The following PCMTD1 variants were observed in gnomAD, a reference collection of about 807,000 sequenced individuals.
The protein encoded by PCMTD1 is protein-L-isoaspartate (D-aspartate) O-methyltransferase domain containing 1, also known as protein-L-isoaspartate O-methyltransferase domain-containing protein 1.
A neutral mutation model predicts 37.6 loss-of-function variants in PCMTD1; 12 were observed. The ratio of observed to expected loss-of-function variants is 0.32; its 90% CI spans 0.20 to 0.52. PCMTD1 has a LOEUF of 0.52. Ranked by LOEUF, PCMTD1 falls within the 20% of genes least tolerant of loss-of-function variation. PCMTD1 has a pLI of 0.97. For synonymous variants in PCMTD1, 117 were observed against 135.8 expected (o/e 0.86, Z 0.96); for missense variants, 235 against 421.3 (o/e 0.56, Z 3.87).
chr8:51,876,476 T>C (rs1177722758), intron 1 of PCMTD1, among the ~76,000 whole-genome samples: 2 of 152,174 alleles, frequency 1.3e-5, no homozygotes, highest in African/African-American at 4.8e-5. Flanking sequence ...CACAGGCAGA[T>C]GTAAGAAACC....
At chr8:51,876,176 C>T (rs1009298233) in intron 1 of PCMTD1, among the ~76,000 whole-genome samples, 36 of 152,052 alleles carry the variant, frequency 2.4e-4, no homozygotes, top group East Asian at 1.3e-3. Context: ...TTGATAAAAC[C>T]GGGAGATTTT....
chr8:51,898,782 C>CTGT (rs2039050352), intron 1 of PCMTD1, 148 bp downstream of exon 1: 14 of 717,342 alleles, frequency 2.0e-5, no homozygotes, highest in Admixed American at 4.4e-5. Context: ...CCCCGACCTG[C>CTGT]CCGCCCTTAA....
chr8:51,894,619 T>C (rs966887145), intron 1 of PCMTD1, among the ~76,000 whole-genome samples: 3 of 152,182 alleles, frequency 2.0e-5, no homozygotes, highest in African/African-American at 7.2e-5. Flanking sequence ...TTTGTTTTGT[T>C]TGCTTGTCAT....
intron 1 of PCMTD1, among the ~76,000 whole-genome samples, chr8:51,863,803 T>C (rs1229371590): frequency 1.3e-5 from 2 of 152,028 alleles, no homozygotes; most frequent in Admixed American, 1.3e-4. Context: ...GGCACACAGC[T>C]GTAGTCCCAG....
chr8:51,835,713 C>A (rs1298268818), intron 3 of PCMTD1, among the ~76,000 whole-genome samples: 1 of 152,074 alleles, frequency 6.6e-6, no homozygotes, highest in Non-Finnish European at 1.5e-5. Context: ...CTTTATCAAA[C>A]ATGTTAAATC....
chr8:51,831,633 C>A (rs944174735), intron 4 of PCMTD1, 66 bp from the exon 5 acceptor site: 4 of 1,500,840 alleles, frequency 2.7e-6, no homozygotes, highest in South Asian at 2.8e-5. Context: ...ACCTTACAGT[C>A]AAAACTTTGT....
intron 5 of PCMTD1, among the ~76,000 whole-genome samples, chr8:51,826,394 A>G (rs2037921702): frequency 6.6e-6 from 1 of 152,210 alleles, no homozygotes; most frequent in East Asian, 1.9e-4. Flanking sequence ...GACGAGAGGG[A>G]TAGCATTAGG....
intron 1 of PCMTD1, among the ~76,000 whole-genome samples, chr8:51,896,536 A>T (rs1447021139): frequency 6.6e-6 from 1 of 152,170 alleles, no homozygotes; most frequent in Non-Finnish European, 1.5e-5. Context: ...CAGCTGTGAG[A>T]GCTACAATTT....
At chr8:51,829,201 A>C (rs1078888) in intron 5 of PCMTD1, among the ~76,000 whole-genome samples, 1 of 151,630 alleles carries the variant, frequency 6.6e-6, no homozygotes, top group Admixed American at 6.6e-5. Context: ...GTGGTCAACA[A>C]ATCTCCTTTG....
At chr8:51,882,201 T>C in intron 1 of PCMTD1, among the ~76,000 whole-genome samples, 1 of 152,244 alleles carries the variant, frequency 6.6e-6, no homozygotes, top group South Asian at 2.1e-4. Context: ...GGCTTGCCGA[T>C]GGTCACCATC....
At chr8:51,889,139 G>GT (rs1208214012) in intron 1 of PCMTD1, among the ~76,000 whole-genome samples, 1 of 152,082 alleles carries the variant, frequency 6.6e-6, no homozygotes, top group Non-Finnish European at 1.5e-5. Context: ...TACAATATTG[G>GT]TAAGAGAGCA....
At chr8:51,878,371 A>G (rs1048320471) in intron 1 of PCMTD1, among the ~76,000 whole-genome samples, 1 of 151,664 alleles carries the variant, frequency 6.6e-6, no homozygotes, top group Non-Finnish European at 1.5e-5. Flanking sequence ...CCTGGTGTAC[A>G]GGAAGAAGTT....
At chr8:51,825,805 G>A in intron 5 of PCMTD1, among the ~76,000 whole-genome samples, 1 of 151,142 alleles carries the variant, frequency 6.6e-6, no homozygotes, top group East Asian at 2.0e-4. Context: ...AAACCACAAT[G>A]AAATGCCATT....
At chr8:51,833,348 T>C (rs568863925) in intron 4 of PCMTD1, among the ~76,000 whole-genome samples, 170 bp downstream of exon 4, 52 of 149,946 alleles carry the variant, frequency 3.5e-4, no homozygotes, top group Non-Finnish European at 1.6e-4. Context: ...ATCTCCTTTG[T>C]TTAAATAATT....
At chr8:51,887,663 G>A (rs1384930423) in intron 1 of PCMTD1, among the ~76,000 whole-genome samples, 6 of 146,736 alleles carry the variant, frequency 4.1e-5, no homozygotes, top group South Asian at 2.1e-4. Flanking sequence ...CATTTTCCTC[G>A]TTTAAAATAA....
chr8:51,823,456 C>T (rs2037877218), intron 5 of PCMTD1, among the ~76,000 whole-genome samples: 1 of 152,106 alleles, frequency 6.6e-6, no homozygotes. Flanking sequence ...TAGAGTGAGA[C>T]CCTGTCTCAA....
Position 51,899,030 on chromosome 8 carries a change from G to A in PCMTD1, c.-196C>T, listed in dbSNP as rs1403575169. On this transcript the variant is annotated 5_prime_UTR_variant, in exon 1 of 6. Coordinates refer to ENST00000522514, the MANE Select transcript of PCMTD1 (RefSeq NM_052937.4). ...CCACAATAACAACACGGACGCCACC[G>A]CCGAGTGGAGAGGCGGGGCCCGGAC... is the stretch of plus-strand genomic sequence containing the variant. The A allele has an allele frequency of 5.3e-6, 8 of 1,510,890 alleles. No homozygotes were observed. The highest frequency in any genetic ancestry group is 7.0e-6 in the Non-Finnish European group (8 of 1,136,546). 93.6% of individuals were successfully genotyped at this position (1,510,890 alleles called of 1,614,324 possible).
In PCMTD1 at chr8:51,833,510, G is replaced by C. The variant is rs2038025598; in HGVS notation, c.582+8C>G. 4.4e-6 allele frequency: 7 copies of C among 1,597,928 alleles called. No homozygotes were observed. In the Admixed American group the frequency reaches 8.7e-5, roughly 20 times the overall value. Reference sequence around the variant, plus strand: ...TAGGCCACTAAAGAAAAGGAGAGTGGAAGTTACCTGATCCTCTATAGGCAT... The same window carrying C: ...TAGGCCACTAAAGAAAAGGAGAGTGCAAGTTACCTGATCCTCTATAGGCAT... On this transcript the variant is annotated splice_region_variant and intron_variant, in intron 4 of 5. Transcript: ENST00000522514.
At chr8:51,885,128 A>C (rs1014308512) in intron 1 of PCMTD1, among the ~76,000 whole-genome samples, 1 of 152,342 alleles carries the variant, frequency 6.6e-6, no homozygotes, top group East Asian at 1.9e-4. Context: ...ACAGCAGTTG[A>C]GCAATAAAAT....
Sources: gnomAD v4.1 joint callset for allele counts (sites outside exome capture counted in the v4.1 genomes callset) on GRCh38, gnomAD v4.1.1 for gene constraint, MANE v1.5 for transcripts, NCBI Gene and HGNC (gene_info 2026-07-23, HGNC 2026-07-21) for gene names.